Variants in KCNT2 observed in about 807,000 individuals in gnomAD.
KCNT2 encodes the protein potassium channel subfamily T member 2.
KCNT2 carries 67 observed loss-of-function variants against 153.8 expected under a neutral mutation model. That is an observed-to-expected ratio of 0.44 (90% CI 0.36 to 0.53). The LOEUF is 0.53. KCNT2 is among the 20% of genes least tolerant of loss of function. The pLI, the probability that KCNT2 is intolerant of heterozygous loss-of-function variation, is 0.00. For missense variants in KCNT2, 975 were observed against 1,354.8 expected (o/e 0.72, Z 4.40); for synonymous variants, 500 against 458.8 (o/e 1.09, Z -1.15).
At chr1:196,433,143 C>T (rs1389533807) in intron 8 of KCNT2, among the ~76,000 whole-genome samples, 2 of 152,058 alleles carry the variant, frequency 1.3e-5, no homozygotes, top group Non-Finnish European at 2.9e-5. Flanking sequence ...AGAGAGAAGG[C>T]ACTCAACAGA....
chr1:196,244,605 A>G (rs1258484415), intron 26 of KCNT2, among the ~76,000 whole-genome samples: 1 of 151,838 alleles, frequency 6.6e-6, no homozygotes, highest in Non-Finnish European at 1.5e-5. Context: ...ACAGGGAGAG[A>G]TTTCTTTGCT....
chr1:196,342,426 A>ATATATATATATATATATATATATG (rs1553292539), intron 14 of KCNT2, among the ~76,000 whole-genome samples, 198 bp from the exon 15 acceptor site: 5 of 115,468 alleles, frequency 4.3e-5, no homozygotes, highest in African/African-American at 1.6e-4. Context: ...AATACTATAT[A>ATATATATATATATATATATATATG]TATATATATA....
intron 1 of KCNT2, among the ~76,000 whole-genome samples, chr1:196,555,540 G>A (rs1658525689): frequency 6.6e-6 from 1 of 151,078 alleles, no homozygotes; most frequent in Non-Finnish European, 1.5e-5. Flanking sequence ...ATGTTCACAG[G>A]TTGGAAGAAT....
At position 196,488,621 on chromosome 1, in the gene KCNT2, A is replaced by T. The variant is rs189185568; in HGVS notation, c.275+1217T>A. Reference sequence around the variant, plus strand: ...TTTTATTTATAAATCACCACATTTTAAAAATAATGCTGATATGATTGTAGA... The same window carrying T: ...TTTTATTTATAAATCACCACATTTTTAAAATAATGCTGATATGATTGTAGA... On this transcript the variant is annotated intron_variant, in intron 3 of 27. Transcript: ENST00000294725. Among the ~76,000 whole-genome samples, 548 of 152,144 alleles carry T rather than the reference A, an allele frequency of 3.6e-3. 3 individuals carry two copies. Among genetic ancestry groups the T allele is most frequent in the African/African-American group, 0.012 (512 of 41,542 alleles).
Position 196,406,644 on chromosome 1 carries a change from G to A in KCNT2, c.1186-7973C>T, listed in dbSNP as rs530997566. Among the ~76,000 whole-genome samples the A allele has an allele frequency of 3.3e-5, 5 of 151,118 alleles. No individual in the cohort carries two copies. The South Asian group carries it at 1.0e-3, about 31-fold the overall frequency. On this transcript the variant is annotated intron_variant, in intron 12 of 27. Transcript: ENST00000294725. ...ACTTGGTCTAGCATTCTGGGCCTCAGCATTCAAACTTGTATGGCTGTAAAT... is the reference window on the plus strand; with the variant it reads ...ACTTGGTCTAGCATTCTGGGCCTCAACATTCAAACTTGTATGGCTGTAAAT...
At chr1:196,328,261 A>G (rs1395213073) in intron 18 of KCNT2, among the ~76,000 whole-genome samples, 1 of 152,124 alleles carries the variant, frequency 6.6e-6, no homozygotes, top group East Asian at 1.9e-4. Context: ...TTTAAATTAC[A>G]CTTAAGATTC....
chr1:196,566,946 A>G (rs1467698775), intron 1 of KCNT2, among the ~76,000 whole-genome samples: 1 of 152,130 alleles, frequency 6.6e-6, no homozygotes, highest in Non-Finnish European at 1.5e-5. Context: ...TTCATATAAT[A>G]CCTTGCAAAA....
At chr1:196,596,486 G>A (rs1363026955) in intron 1 of KCNT2, among the ~76,000 whole-genome samples, 3 of 152,092 alleles carry the variant, frequency 2.0e-5, no homozygotes, top group Non-Finnish European at 2.9e-5. Context: ...AATTAGTGAT[G>A]TTAAGCATTT....
intron 25 of KCNT2, among the ~76,000 whole-genome samples, chr1:196,268,996 G>T (rs1469888289): frequency 1.3e-5 from 2 of 151,888 alleles, no homozygotes; most frequent in Non-Finnish European, 2.9e-5. Context: ...TAATAATAAA[G>T]AAATAATGCA....
intron 1 of KCNT2, among the ~76,000 whole-genome samples, chr1:196,499,336 G>C (rs1680491039): frequency 6.6e-6 from 1 of 152,148 alleles, no homozygotes. Context: ...TTCTATAATG[G>C]TGACAACACC....
intron 1 of KCNT2, among the ~76,000 whole-genome samples, chr1:196,547,014 G>T (rs1344081537): frequency 1.3e-5 from 2 of 151,768 alleles, no homozygotes; most frequent in African/African-American, 4.8e-5. Context: ...GAAAATACAA[G>T]AATTATCTAC....
At chr1:196,556,295 C>T (rs1358341474) in intron 1 of KCNT2, among the ~76,000 whole-genome samples, 2 of 151,294 alleles carry the variant, frequency 1.3e-5, no homozygotes, top group African/African-American at 2.4e-5. Context: ...TCAAACAACT[C>T]TATAGGAAAA....
chr1:196,264,561 GC>G (rs1450832440), intron 25 of KCNT2, among the ~76,000 whole-genome samples: 7 of 152,134 alleles, frequency 4.6e-5, no homozygotes, highest in Non-Finnish European at 5.9e-5. Context: ...GGATGGGGAA[GC>G]TGGTAAGTCC....
intron 21 of KCNT2, among the ~76,000 whole-genome samples, chr1:196,311,592 C>T (rs142915580): frequency 0.013 from 1,906 of 151,922 alleles, 16 homozygotes; most frequent in Middle Eastern, 0.017. Flanking sequence ...AACTAGGTCA[C>T]GCCTGGACTT....
At chr1:196,485,020 TA>T (rs1679312527) in intron 3 of KCNT2, among the ~76,000 whole-genome samples, 1 of 151,998 alleles carries the variant, frequency 6.6e-6, no homozygotes, top group South Asian at 2.1e-4. Flanking sequence ...CAGCACTATT[TA>T]AAATGGCAAA....
intron 1 of KCNT2, among the ~76,000 whole-genome samples, chr1:196,564,397 A>G (rs1362556438): frequency 6.6e-6 from 1 of 151,894 alleles, no homozygotes; most frequent in Non-Finnish European, 1.5e-5. Flanking sequence ...GAATATAATA[A>G]TTAATATTGC....
At chr1:196,601,288 C>A (rs1340147546) in intron 1 of KCNT2, among the ~76,000 whole-genome samples, 3 of 152,232 alleles carry the variant, frequency 2.0e-5, no homozygotes, top group African/African-American at 7.2e-5. Flanking sequence ...CTAGGCTCAT[C>A]TTCAATCATG....
chr1:196,511,938 T>C (rs1468280765), intron 1 of KCNT2, among the ~76,000 whole-genome samples: 1 of 152,176 alleles, frequency 6.6e-6, no homozygotes, highest in African/African-American at 2.4e-5. Context: ...CCATTCAGGA[T>C]ACAACACTTG....
At position 196,530,034 on chromosome 1, in the gene KCNT2, A is replaced by C. The variant is rs561688567; in HGVS notation, c.96-37693T>G. Among the ~76,000 whole-genome samples the C allele has an allele frequency of 4.6e-5, 7 of 152,158 alleles. No homozygotes were observed. In the South Asian group the frequency reaches 1.2e-3, roughly 27 times the overall value. ...TATTTCATACTAGCAAGGGGTATGA[A>C]ATGTCAAATTTCAAGAAGACACTAT... On this transcript the variant is annotated intron_variant, in intron 1 of 27. Transcript: ENST00000294725.
Sources: gnomAD v4.1 joint callset for allele counts (sites outside exome capture counted in the v4.1 genomes callset) on GRCh38, gnomAD v4.1.1 for gene constraint, MANE v1.5 for transcripts, NCBI Gene and HGNC (gene_info 2026-07-23, HGNC 2026-07-21) for gene names.